RTN4: variants seen among roughly 807,000 people sequenced by gnomAD.
RTN4 encodes the protein reticulon 4.
RTN4 carries 32 observed loss-of-function variants against 90.4 expected under a neutral mutation model. The observed-to-expected ratio is 0.35, with a 90% CI of 0.27 to 0.48. RTN4 has a LOEUF of 0.48. Among genes scored for constraint, RTN4 ranks in the 20% least tolerant of loss-of-function variants. The pLI, the probability that RTN4 is intolerant of heterozygous loss-of-function variation, is 0.99. For synonymous variants in RTN4, 629 were observed against 552.5 expected (o/e 1.14, Z -1.94); for missense variants, 1,706 against 1,430.2 (o/e 1.19, Z -3.11).
intron 1 of RTN4, among the ~76,000 whole-genome samples, chr2:55,036,960 C>T (rs368593244): frequency 2.6e-5 from 4 of 152,254 alleles, no homozygotes; most frequent in South Asian, 4.1e-4. Context: ...AACTTACAGA[C>T]AACAGGACTG....
intron 3 of RTN4, among the ~76,000 whole-genome samples, chr2:54,999,447 T>TA (rs1467899740): frequency 6.6e-6 from 1 of 152,130 alleles, no homozygotes; most frequent in African/African-American, 2.4e-5. Flanking sequence ...GTTTCAATTT[T>TA]AAAAAGCTTT....
chr2:55,089,187 C>T (rs1415168544), intron 1 of RTN4, among the ~76,000 whole-genome samples: 7 of 152,078 alleles, frequency 4.6e-5, no homozygotes, highest in Non-Finnish European at 1.0e-4. Context: ...CATGAGCCAC[C>T]GCGCCGGGCC....
chr2:55,006,468 C>CA, intron 3 of RTN4, among the ~76,000 whole-genome samples: 1 of 152,124 alleles, frequency 6.6e-6, no homozygotes, highest in East Asian at 1.9e-4. Flanking sequence ...TCAAGGCTTT[C>CA]AAAAAATGAA....
At chr2:55,054,259 G>A (rs1668151661), upstream of RTN4, among the ~76,000 whole-genome samples, 1 of 152,142 alleles carries the variant, frequency 6.6e-6, no homozygotes, top group South Asian at 2.1e-4. Flanking sequence ...TCTTGAAACA[G>A]GTGTGTCTGT....
intron 3 of RTN4, among the ~76,000 whole-genome samples, chr2:55,016,890 A>T (rs1681084337): frequency 6.6e-6 from 1 of 152,236 alleles, no homozygotes; most frequent in Admixed American, 6.5e-5. Flanking sequence ...AAGGGTCAGA[A>T]TTAGAACTCA....
At chr2:54,987,755 C>T in intron 3 of RTN4, 57 bp from the exon 4 acceptor site, 1 of 1,444,144 alleles carries the variant, frequency 6.9e-7, no homozygotes, top group South Asian at 1.2e-5. Context: ...TTTGGATTTG[C>T]TCCATCTATG....
chr2:55,062,707 G>T (rs1007456039), intron 2 of RTN4, among the ~76,000 whole-genome samples: 1 of 152,184 alleles, frequency 6.6e-6, no homozygotes, highest in Non-Finnish European at 1.5e-5. Context: ...GTAAAGCTTT[G>T]TTCTTTCATG....
chr2:55,001,958 ATAAAC>A (rs1464136569), intron 3 of RTN4, among the ~76,000 whole-genome samples: 22 of 152,362 alleles, frequency 1.4e-4, no homozygotes, highest in African/African-American at 5.3e-4. Flanking sequence ...GGCTGTGATT[ATAAAC>A]TAAATTATGT....
chr2:55,057,722 C>A (rs111963189), intron 2 of RTN4, among the ~76,000 whole-genome samples: 16 of 152,236 alleles, frequency 1.1e-4, no homozygotes, highest in African/African-American at 3.6e-4. Context: ...TGGTGGTTCA[C>A]GCCTATAATC....
At chr2:54,973,329 C>G in intron 8 of RTN4, 131 bp from the exon 9 acceptor site, 3 of 964,536 alleles carry the variant, frequency 3.1e-6, no homozygotes, top group Non-Finnish European at 4.7e-6. Flanking sequence ...TAATTCTAAG[C>G]TATAATTTTG....
At chr2:55,006,907 T>C (rs1680268892) in intron 3 of RTN4, among the ~76,000 whole-genome samples, 1 of 152,134 alleles carries the variant, frequency 6.6e-6, no homozygotes, top group South Asian at 2.1e-4. Flanking sequence ...AGGCTTTTCT[T>C]TCTTAATAGT....
chr2:55,083,552 G>C (rs1276774365), intron 1 of RTN4, among the ~76,000 whole-genome samples: 1 of 152,028 alleles, frequency 6.6e-6, no homozygotes, highest in African/African-American at 2.4e-5. Context: ...TTTAAACTAT[G>C]ATTAAAACAC....
rs769492943 is a variant in RTN4 at position 54,972,958 on chromosome 2, A to ATACT, written c.*194_*197dup. 19 of 478,928 alleles carry ATACT rather than the reference A, an allele frequency of 4.0e-5. No individual in the cohort carries two copies. The highest frequency in any genetic ancestry group is 2.3e-4 in the African/African-American group (12 of 51,942). The allele number at this position is 478,928 out of a possible 1,614,324, so 29.7% of individuals were successfully genotyped here. On this transcript the variant is annotated 3_prime_UTR_variant, in exon 9 of 9. Transcript: ENST00000337526. ...TTAAATCCATACATAGCAGCTTACA[A>ATACT]TACTTAAGATGATGAACACATGGCA...
chr2:55,137,448 T>A, the RTN4 span, among the ~76,000 whole-genome samples: 1 of 152,068 alleles, frequency 6.6e-6, no homozygotes. Context: ...ACCACGTCAG[T>A]GGGAATAGAC....
At chr2:55,003,666 C>T (rs1312381380) in intron 3 of RTN4, among the ~76,000 whole-genome samples, 1 of 152,160 alleles carries the variant, frequency 6.6e-6, no homozygotes, top group Non-Finnish European at 1.5e-5. Flanking sequence ...CTGCAGGTTC[C>T]ACATCTGCGG....
intron 1 of RTN4, among the ~76,000 whole-genome samples, chr2:55,106,537 T>TA (rs1446875122): frequency 6.6e-6 from 1 of 152,068 alleles, no homozygotes; most frequent in African/African-American, 2.4e-5. Context: ...CTTTTTTTTT[T>TA]AAATGGAGTT....
rs1553449538 is a variant in RTN4, at chr2:55,066,195, G to GTGTT, written c.-63+14293_-63+14294insAACA. Reference sequence around the variant, plus strand: ...TGTGTGTGTGTGTGTGTGTGTGTTTGTGTGTGTGTGTGTGTGTGTGTGTGT... The same window carrying GTGTT: ...TGTGTGTGTGTGTGTGTGTGTGTTTGTGTTTGTGTGTGTGTGTGTGTGTGTGTGT... On this transcript the variant is annotated intron_variant, in intron 2 of 3. Coordinates refer to the RTN4 transcript ENST00000427710. Among the ~76,000 whole-genome samples the GTGTT allele has an allele frequency of 8.3e-3, 522 of 62,520 alleles. 3 individuals are homozygous for GTGTT. In the East Asian group the frequency reaches 0.11, roughly 13 times the overall value. 41.0% of individuals were successfully genotyped at this position (62,520 alleles called of 152,430 possible). A position where few individuals can be genotyped will look rare whatever the true frequency, so the allele number is the denominator to read the frequency against.
At chr2:55,065,192 T>C (rs1045101655) in intron 2 of RTN4, among the ~76,000 whole-genome samples, 1 of 152,224 alleles carries the variant, frequency 6.6e-6, no homozygotes, top group East Asian at 1.9e-4. Context: ...GGCATGCCAA[T>C]ATCCAGCTTA....
At chr2:54,994,996 G>A (rs2580776) in intron 3 of RTN4, among the ~76,000 whole-genome samples, 50,505 of 152,082 alleles carry the variant, frequency 0.33, 9,456 homozygotes, top group East Asian at 0.63. Flanking sequence ...TGTAATCCCA[G>A]CACTTTCAGA....
Sources: allele counts gnomAD v4.1 joint callset (sites outside exome capture counted in the v4.1 genomes callset), GRCh38; gene constraint gnomAD v4.1.1; transcripts MANE v1.5; gene names NCBI Gene and HGNC (gene_info 2026-07-23, HGNC 2026-07-21).